KIAA0825: variants seen among roughly 807,000 people sequenced by gnomAD.
KIAA0825 encodes KIAA0825, also known as uncharacterized protein KIAA0825.
A neutral mutation model predicts 147.6 loss-of-function variants in KIAA0825; 119 were observed. That is an observed-to-expected ratio of 0.81 (90% confidence interval 0.69 to 0.94). The LOEUF is 0.94. Ranked by LOEUF, KIAA0825 falls within the 40% of genes least tolerant of loss-of-function variation. KIAA0825 has a pLI of 0.00. For missense variants in KIAA0825, 1,381 were observed against 1,472.7 expected (o/e 0.94, Z 1.02); for synonymous variants, 470 against 518.1 (o/e 0.91, Z 1.26).
At chr5:94,513,279 T>C (rs1584740130) in intron 5 of KIAA0825, among the ~76,000 whole-genome samples, 1 of 152,132 alleles carries the variant, frequency 6.6e-6, no homozygotes, top group East Asian at 1.9e-4. Flanking sequence ...TTTTTCAGTA[T>C]CAAAAAATGT....
intron 2 of KIAA0825, among the ~76,000 whole-genome samples, chr5:94,538,304 T>C (rs879490382): frequency 5.9e-5 from 9 of 152,228 alleles, no homozygotes; most frequent in Admixed American, 3.9e-4. Context: ...GGAAGGTCTC[T>C]GAGGAGGTGA....
At chr5:94,423,877 T>G (rs185949019) in intron 14 of KIAA0825, among the ~76,000 whole-genome samples, 323 of 152,240 alleles carry the variant, frequency 2.1e-3, no homozygotes, top group Non-Finnish European at 3.9e-3. Flanking sequence ...AACACTAAAT[T>G]TGGATGTCAC....
At chr5:94,592,914 G>T in intron 1 of KIAA0825, 1 of 577,378 alleles carries the variant, frequency 1.7e-6, no homozygotes, top group Non-Finnish European at 3.2e-6. Flanking sequence ...GTATAGATGA[G>T]GAGCAAATAT....
chr5:94,475,582 C>A (rs144710446), intron 7 of KIAA0825, among the ~76,000 whole-genome samples: 1 of 152,064 alleles, frequency 6.6e-6, no homozygotes, highest in South Asian at 2.1e-4. Context: ...CCGAGGCAGG[C>A]GGATCACCTG....
chr5:94,545,514 C>T (rs1774180426), intron 2 of KIAA0825, among the ~76,000 whole-genome samples: 1 of 152,156 alleles, frequency 6.6e-6, no homozygotes, highest in Non-Finnish European at 1.5e-5. Flanking sequence ...ATCTTGGATA[C>T]TAGCTCAGCA....
intron 20 of KIAA0825, among the ~76,000 whole-genome samples, chr5:94,264,963 A>C (rs1348959401): frequency 4.0e-5 from 6 of 151,776 alleles, no homozygotes; most frequent in South Asian, 4.2e-4. Flanking sequence ...TTGCATTTTT[A>C]GTAGAGATGG....
intron 20 of KIAA0825, among the ~76,000 whole-genome samples, chr5:94,203,399 A>T (rs1370282686): frequency 6.6e-6 from 1 of 152,234 alleles, no homozygotes; most frequent in Non-Finnish European, 1.5e-5. Flanking sequence ...ATAAGATACA[A>T]AACTAAAAGT....
At chr5:94,571,543 A>G (rs559537773) in intron 2 of KIAA0825, among the ~76,000 whole-genome samples, 2 of 152,368 alleles carry the variant, frequency 1.3e-5, no homozygotes, top group South Asian at 4.1e-4. Context: ...GATCTAAATG[A>G]AGTCATGCCT....
chr5:94,193,918 A>C (rs1770896640), intron 20 of KIAA0825, among the ~76,000 whole-genome samples: 1 of 152,176 alleles, frequency 6.6e-6, no homozygotes, highest in South Asian at 2.1e-4. Context: ...ATAAAGGATA[A>C]CTGTTTGTCC....
chr5:94,257,180 T>C (rs1457050660), intron 20 of KIAA0825, among the ~76,000 whole-genome samples: 1 of 152,166 alleles, frequency 6.6e-6, no homozygotes, highest in African/African-American at 2.4e-5. Context: ...AAATACTCTC[T>C]ATAAGAGACT....
chr5:94,250,622 T>G (rs1775902672), intron 20 of KIAA0825, among the ~76,000 whole-genome samples: 1 of 152,154 alleles, frequency 6.6e-6, no homozygotes, highest in Non-Finnish European at 1.5e-5. Context: ...CATACTAATT[T>G]AATTGTATCT....
At chr5:94,202,202 C>T (rs1368775476) in intron 20 of KIAA0825, among the ~76,000 whole-genome samples, 2 of 152,140 alleles carry the variant, frequency 1.3e-5, no homozygotes, top group African/African-American at 4.8e-5. Context: ...GGCTGTACAA[C>T]ACTTAAAAGC....
intron 20 of KIAA0825, among the ~76,000 whole-genome samples, chr5:94,270,601 A>G (rs1776939078): frequency 6.6e-6 from 1 of 152,172 alleles, no homozygotes; most frequent in Non-Finnish European, 1.5e-5. Context: ...TGGAGCATTC[A>G]AAATGGGAAA....
chr5:94,539,665 G>A (rs1343795621), intron 2 of KIAA0825, among the ~76,000 whole-genome samples: 1 of 152,080 alleles, frequency 6.6e-6, no homozygotes, highest in African/African-American at 2.4e-5. Flanking sequence ...TTGGGTTAGA[G>A]GCTCAACTTA....
rs1188101579 is a variant in KIAA0825, at chr5:94,396,412, A to C, written c.2985T>G (p.Phe995Leu). The change falls in exon 17 of 21, where the codon TTT becomes TTG. Residue 995 changes from phenylalanine (F) to leucine (L), a missense_variant. Transcript: ENST00000682413. ...TTTTTGACATTTTTCTCTCAGACAGAAAAAAGAAGTATTTAACTGGGGGAG... is the reference window on the plus strand; with the variant it reads ...TTTTTGACATTTTTCTCTCAGACAGCAAAAAGAAGTATTTAACTGGGGGAG... The part of the protein sequence containing the change: ...CLPPPVKYFF[F>L]LSERKMSKKF... The C allele has an allele frequency of 6.4e-7, 1 of 1,550,570 alleles. No individual in the cohort carries two copies. Among genetic ancestry groups the C allele is most frequent in the Non-Finnish European group, 8.7e-7 (1 of 1,146,690 alleles).
At chr5:94,564,926 ATCCT>A (rs1303813214) in intron 2 of KIAA0825, among the ~76,000 whole-genome samples, 4 of 123,172 alleles carry the variant, frequency 3.2e-5, no homozygotes, top group African/African-American at 9.3e-5. Flanking sequence ...TTTTCCTTCC[ATCCT>A]TCCCTTCCCT....
chr5:94,461,320 A>G (rs893144195), intron 12 of KIAA0825, among the ~76,000 whole-genome samples: 34 of 151,952 alleles, frequency 2.2e-4, no homozygotes, highest in African/African-American at 7.7e-4. Flanking sequence ...TTCCTCTTAG[A>G]TGAAATGACC....
At chr5:94,445,249 GAAGT>G (rs1757580768) in intron 13 of KIAA0825, among the ~76,000 whole-genome samples, 1 of 152,140 alleles carries the variant, frequency 6.6e-6, no homozygotes, top group African/African-American at 2.4e-5. Context: ...TATCATACTT[GAAGT>G]AAGTCCTTTC....
At chr5:94,589,840 T>TC (rs1561361931) in intron 1 of KIAA0825, among the ~76,000 whole-genome samples, 2 of 138,070 alleles carry the variant, frequency 1.4e-5, no homozygotes, top group African/African-American at 5.6e-5. Context: ...CTGTCTCACT[T>TC]TAAAAAAAAA....
Sources: allele counts gnomAD v4.1 joint callset (sites outside exome capture counted in the v4.1 genomes callset), GRCh38; gene constraint gnomAD v4.1.1; transcripts MANE v1.5; gene names NCBI Gene and HGNC (gene_info 2026-07-23, HGNC 2026-07-21).